FSTL5: variants seen among roughly 807,000 people sequenced by gnomAD.
FSTL5 encodes the protein follistatin-related protein 5.
FSTL5 carries 62 observed loss-of-function variants against 89.1 expected under a neutral mutation model. That is an observed-to-expected ratio of 0.70 (90% CI 0.57 to 0.86). The LOEUF is 0.86. Ranked by LOEUF, FSTL5 falls within the 40% of genes least tolerant of loss-of-function variation. FSTL5 has a pLI of 0.00. For synonymous variants in FSTL5, 383 were observed against 346.2 expected, an observed-to-expected ratio of 1.11 and a Z score of -1.18; for missense variants, 1,057 against 1,001.6, an observed-to-expected ratio of 1.06 and a Z score of -0.75.
chr4:161,438,111 A>G (rs1190967183), intron 15 of FSTL5, among the ~76,000 whole-genome samples: 1 of 147,254 alleles, frequency 6.8e-6, no homozygotes, highest in African/African-American at 2.7e-5. Flanking sequence ...CATATGTGCA[A>G]AAAGAAGCCG....
chr4:161,437,053 G>T (rs2126355710), intron 15 of FSTL5, among the ~76,000 whole-genome samples: 1 of 152,110 alleles, frequency 6.6e-6, no homozygotes, highest in East Asian at 1.9e-4. Flanking sequence ...GAAAAAATGA[G>T]TTATGCTATT....
At chr4:162,041,576 T>C (rs1448536321) in intron 2 of FSTL5, among the ~76,000 whole-genome samples, 3 of 152,162 alleles carry the variant, frequency 2.0e-5, no homozygotes, top group Admixed American at 2.0e-4. Flanking sequence ...TGTGAAGTTA[T>C]TCATTCCAAT....
intron 15 of FSTL5, among the ~76,000 whole-genome samples, chr4:161,451,770 T>C (rs895616531): frequency 6.6e-6 from 1 of 152,186 alleles, no homozygotes; most frequent in Non-Finnish European, 1.5e-5. Context: ...GAAATCCATA[T>C]ATAGGAAACA....
Position 161,759,395 on chromosome 4 carries a change from T to C in FSTL5, c.727+16A>G. On this transcript the variant is annotated intron_variant, in intron 6 of 15. Coordinates refer to ENST00000306100, the MANE Select transcript of FSTL5 (RefSeq NM_020116.5). ...AAAAGAACAAAGGGAAATTGGAGAATGAATCTTGTACTCACGGAATGCTCT... is the reference window on the plus strand; with the variant it reads ...AAAAGAACAAAGGGAAATTGGAGAACGAATCTTGTACTCACGGAATGCTCT... The C allele has an allele frequency of 1.3e-6, 2 of 1,568,198 alleles. No homozygotes were observed. Among genetic ancestry groups the C allele is most frequent in the East Asian group, 2.4e-5 (1 of 41,254 alleles).
chr4:161,435,405 A>G (rs1732524019), intron 15 of FSTL5, among the ~76,000 whole-genome samples: 1 of 152,040 alleles, frequency 6.6e-6, no homozygotes, highest in Admixed American at 6.6e-5. Flanking sequence ...AGACTAGAAT[A>G]ATGGTTAACA....
Position 161,948,477 on chromosome 4 carries a change from TTTTC to T in FSTL5, c.161-27829_161-27826del, listed in dbSNP as rs1298386061. ...ATTCTACATGAACGGAATTTTTTTC[TTTTC>T]TTTCTTTTTTTTTTTTTTTTTTGGA... On this transcript the variant is annotated intron_variant, in intron 3 of 15. Coordinates refer to ENST00000306100, the MANE Select transcript of FSTL5 (RefSeq NM_020116.5). Among the ~76,000 whole-genome samples the T allele has an allele frequency of 2.1e-4, 23 of 109,986 alleles. 1 individual carries two copies. In the East Asian group the frequency reaches 5.3e-3, roughly 25 times the overall value. The allele number at this position is 109,986 out of a possible 152,430, so 72.2% of individuals were successfully genotyped here.
chr4:161,940,810 C>T (rs1156247367), intron 3 of FSTL5, among the ~76,000 whole-genome samples: 1 of 150,736 alleles, frequency 6.6e-6, no homozygotes, highest in Non-Finnish European at 1.5e-5. Context: ...TTACTCAAAG[C>T]AACATGAAAA....
intron 4 of FSTL5, among the ~76,000 whole-genome samples, chr4:161,859,542 A>G (rs931059415): frequency 5.3e-5 from 8 of 152,182 alleles, no homozygotes; most frequent in African/African-American, 1.9e-4. Flanking sequence ...AACATTCTGC[A>G]TCTTTCAATA....
chr4:161,830,213 T>C (rs1356859940), intron 4 of FSTL5, among the ~76,000 whole-genome samples: 2 of 152,040 alleles, frequency 1.3e-5, no homozygotes, highest in Non-Finnish European at 2.9e-5. Flanking sequence ...CACATTTTTT[T>C]CTTTGCACTG....
chr4:161,900,668 A>G (rs1733333829), intron 4 of FSTL5, among the ~76,000 whole-genome samples: 1 of 146,922 alleles, frequency 6.8e-6, no homozygotes, highest in Non-Finnish European at 1.5e-5. Context: ...AGAAAGAAAG[A>G]AAGAAAGAAA....
At chr4:161,890,180 G>A (rs1256971320) in intron 4 of FSTL5, among the ~76,000 whole-genome samples, 1 of 152,026 alleles carries the variant, frequency 6.6e-6, no homozygotes, top group Non-Finnish European at 1.5e-5. Context: ...ACTGCAATAG[G>A]GATAAAAGAA....
intron 13 of FSTL5, among the ~76,000 whole-genome samples, chr4:161,474,344 A>G (rs1025625573): frequency 6.6e-6 from 1 of 152,188 alleles, no homozygotes; most frequent in Non-Finnish European, 1.5e-5. Context: ...GTAGAAAACA[A>G]AAAGGGTTTT....
intron 15 of FSTL5, among the ~76,000 whole-genome samples, chr4:161,406,978 T>C (rs1731404347): frequency 6.6e-6 from 1 of 152,192 alleles, no homozygotes; most frequent in African/African-American, 2.4e-5. Context: ...ATATGTCTAA[T>C]GTCATTTTTG....
intron 2 of FSTL5, among the ~76,000 whole-genome samples, chr4:162,042,558 T>C (rs1362976428): frequency 6.6e-6 from 1 of 152,042 alleles, no homozygotes; most frequent in Non-Finnish European, 1.5e-5. Context: ...GGTAGTGAGA[T>C]ATGTTAGAAA....
At position 161,724,437 on chromosome 4, in the gene FSTL5, CT is replaced by C. The variant is rs1191350709; in HGVS notation, c.727+34973del. Reference sequence around the variant, plus strand: ...AAAAGACATATAAACAAAACATTCACTCATATATGTACATGTATATATACAA... The same window carrying C: ...AAAAGACATATAAACAAAACATTCACCATATATGTACATGTATATATACAA... On this transcript the variant is annotated intron_variant, in intron 6 of 15. Transcript: ENST00000306100. Among the ~76,000 whole-genome samples the C allele has an allele frequency of 3.3e-5, 5 of 152,158 alleles. No individual in the cohort carries two copies. In the East Asian group the frequency reaches 9.7e-4, roughly 29 times the overall value.
intron 4 of FSTL5, among the ~76,000 whole-genome samples, chr4:161,855,366 C>T (rs923321267): frequency 1.1e-4 from 17 of 151,886 alleles, no homozygotes; most frequent in Non-Finnish European, 1.5e-4. Flanking sequence ...TACATGGAAA[C>T]AAAACAAACT....
intron 3 of FSTL5, among the ~76,000 whole-genome samples, chr4:161,971,088 G>A (rs185339701): frequency 3.9e-5 from 6 of 152,122 alleles, no homozygotes; most frequent in African/African-American, 1.4e-4. Flanking sequence ...GTCAGTTACT[G>A]CCATATCATA....
rs190731775 is a variant in FSTL5, at chr4:161,563,468, G to T, written c.1016-20775C>A. 2.9e-3 allele frequency among the ~76,000 whole-genome samples: 439 copies of T among 151,956 alleles called. 1 individual carries two copies. Among genetic ancestry groups the T allele is most frequent in the African/African-American group, 0.01 (428 of 41,478 alleles). On this transcript the variant is annotated intron_variant, in intron 8 of 15. Transcript: ENST00000306100. Reference sequence around the variant, plus strand: ...TTCTGACCATCCGTTATTTTCCTGGGCTTTGTTTGATAGTGGTCATTGTAC... The same window carrying T: ...TTCTGACCATCCGTTATTTTCCTGGTCTTTGTTTGATAGTGGTCATTGTAC...
intron 6 of FSTL5, among the ~76,000 whole-genome samples, chr4:161,679,501 A>G (rs1203981614): frequency 6.6e-6 from 1 of 151,862 alleles, no homozygotes; most frequent in Non-Finnish European, 1.5e-5. Flanking sequence ...TTGCCACTCC[A>G]GCCGCATGAA....
Sources: allele counts gnomAD v4.1 joint callset (sites outside exome capture counted in the v4.1 genomes callset), GRCh38; gene constraint gnomAD v4.1.1; transcripts MANE v1.5; gene names NCBI Gene and HGNC (gene_info 2026-07-23, HGNC 2026-07-21).